BBS7: variants seen among roughly 807,000 people sequenced by gnomAD.
BBS7 encodes the protein BBSome complex member BBS7.
Under a neutral mutation model 90.3 loss-of-function variants are expected in BBS7, and 50 were observed. That is an observed-to-expected ratio of 0.55 (90% CI 0.44 to 0.70). The LOEUF is 0.70. BBS7 is among the 30% of genes least tolerant of loss of function. The pLI, the probability that BBS7 is intolerant of heterozygous loss-of-function variation, is 0.00. For synonymous variants in BBS7, 235 were observed against 287.4 expected (o/e 0.82, Z 1.85); for missense variants, 729 against 838.9 (o/e 0.87, Z 1.62).
In BBS7 at chr4:121,863,860, A is replaced by G. The variant is rs1727117114; in HGVS notation, c.103-581T>C. Among the ~76,000 whole-genome samples the G allele has an allele frequency of 1.3e-5, 2 of 152,198 alleles. 1 individual carries two copies. Among genetic ancestry groups the G allele is most frequent in the South Asian group, 4.1e-4 (2 of 4,832 alleles). ...ACATGTAGACAATGAATTGTTTTGA[A>G]ATAAATATAGAGGGACATTTTAACA... On this transcript the variant is annotated intron_variant, in intron 2 of 18. Transcript: ENST00000264499.
chr4:121,849,043 T>C (rs1726167132), intron 8 of BBS7, 115 bp from the exon 9 acceptor site: 1 of 765,116 alleles, frequency 1.3e-6, no homozygotes, highest in East Asian at 2.6e-5. Context: ...ATTTACTGAA[T>C]GTTTATGTGC....
intron 15 of BBS7, 75 bp from the exon 16 acceptor site, chr4:121,828,803 G>T: frequency 1.2e-6 from 1 of 862,582 alleles, no homozygotes; most frequent in Non-Finnish European, 1.8e-6. Context: ...TTTATGATTA[G>T]TACTTAGAGT....
At chr4:121,868,084 G>C (rs772494341) in intron 1 of BBS7, 38 bp from the exon 2 acceptor site, 3 of 1,523,002 alleles carry the variant, frequency 2.0e-6, no homozygotes, top group Non-Finnish European at 2.7e-6. Context: ...AATTTAATTT[G>C]AAGTTATTAC....
chr4:121,833,214 T>G lies in BBS7; in HGVS notation c.1676+17A>C. On this transcript the variant is annotated intron_variant, in intron 15 of 18. Coordinates refer to ENST00000264499, the MANE Select transcript of BBS7 (RefSeq NM_176824.3). ...ATATAAAACAACACTTGTGAACCAG[T>G]AATAAGTTAGATTTACCTGTAGGTA... 6.2e-7 allele frequency: 1 copy of G among 1,612,298 alleles called. No homozygotes were observed. Among genetic ancestry groups the G allele is most frequent in the Non-Finnish European group, 8.5e-7 (1 of 1,178,498 alleles).
In BBS7 at chr4:121,843,989, T is replaced by C. The variant is rs1299054607; in HGVS notation, c.1243A>G (p.Ile415Val). ...TTTTTATCCACATCAAGTAAATCTA[T>C]TGGAACATCACTCTATAGTCAATAT... is the stretch of plus-strand genomic sequence containing the variant. ...DNVLIQSDVP[I>V]DLLDVDKNSA... is the part of the protein sequence containing the mutation. Residue 415 changes from isoleucine (I) to valine (V), a missense_variant, in exon 12 of 19, where the codon ATA becomes GTA. Coordinates refer to ENST00000264499, the MANE Select transcript of BBS7 (RefSeq NM_176824.3). 3 of 1,594,782 alleles carry C rather than the reference T, an allele frequency of 1.9e-6. No individual in the cohort carries two copies. Among genetic ancestry groups the C allele is most frequent in the South Asian group, 2.2e-5 (2 of 89,226 alleles).
At chr4:121,864,459 T>C (rs905820292) in intron 2 of BBS7, among the ~76,000 whole-genome samples, 1 of 152,220 alleles carries the variant, frequency 6.6e-6, no homozygotes, top group Non-Finnish European at 1.5e-5. Context: ...GCAAAAAGTA[T>C]AACATAATGA....
intron 8 of BBS7, among the ~76,000 whole-genome samples, chr4:121,850,623 TTCTAA>T (rs1165914391): frequency 6.6e-6 from 1 of 152,210 alleles, no homozygotes; most frequent in Non-Finnish European, 1.5e-5. Flanking sequence ...CTCTGATATG[TTCTAA>T]TCTATTCTAT....
Position 121,853,042 on chromosome 4 carries a change from T to C in BBS7, c.763A>G (p.Lys255Glu). ...DSFDIVGDGV[K>E]DLLVGRDDGM... ...TCATCTCTCCCAACAAGTAAATCTTTAACCCCATCACCCACAATGTCAAAG... is the reference window on the plus strand; with the variant it reads ...TCATCTCTCCCAACAAGTAAATCTTCAACCCCATCACCCACAATGTCAAAG... Residue 255 changes from lysine (K) to glutamate (E), a missense_variant, in exon 8 of 19, where the codon AAA becomes GAA. Lys to Glu is a moderately conservative substitution (Grantham distance 56). Transcript: ENST00000264499. The C allele has an allele frequency of 6.2e-7, 1 of 1,613,790 alleles. No individual in the cohort carries two copies. Among genetic ancestry groups the C allele is most frequent in the Non-Finnish European group, 8.5e-7 (1 of 1,179,758 alleles).
rs1206099908 is a variant in BBS7 at position 121,828,729 on chromosome 4, C to T, written c.1677-1G>A. 6.6e-7 allele frequency: 1 copy of T among 1,507,342 alleles called. No homozygotes were observed. Among genetic ancestry groups the T allele is most frequent in the South Asian group, 1.2e-5 (1 of 83,670 alleles). 93.4% of individuals were successfully genotyped at this position (1,507,342 alleles called of 1,614,324 possible). ...AGATTTAAAAACTCCCTCTCCTTTT[C>T]TATAAAATTAATATATTTTTTAAAA... On this transcript the variant is annotated splice_acceptor_variant, in intron 15 of 18. Transcript: ENST00000264499. LOFTEE classifies it high-confidence loss of function.
intron 7 of BBS7, 127 bp from the exon 8 acceptor site, chr4:121,853,213 T>C (rs1726418908): frequency 1.2e-6 from 1 of 866,646 alleles, no homozygotes; most frequent in Admixed American, 2.2e-5. Context: ...TTGACCAAAA[T>C]CAAGTGCTCT....
intron 15 of BBS7, among the ~76,000 whole-genome samples, chr4:121,831,826 A>G (rs1725196785): frequency 6.6e-6 from 1 of 152,194 alleles, no homozygotes; most frequent in Admixed American, 6.5e-5. Context: ...TTATCCTAAA[A>G]TAACAAGAGA....
intron 5 of BBS7, among the ~76,000 whole-genome samples, chr4:121,857,175 G>A (rs569872412): frequency 1.3e-5 from 2 of 149,286 alleles, no homozygotes; most frequent in South Asian, 4.2e-4. Flanking sequence ...CTGGAGTGCA[G>A]TGCAGTGGTG....
At chr4:121,862,588 T>C (rs975838214) in intron 3 of BBS7, among the ~76,000 whole-genome samples, 8 of 152,214 alleles carry the variant, frequency 5.3e-5, no homozygotes, top group Admixed American at 5.2e-4. Flanking sequence ...GAAAAGGTTG[T>C]GGGTTAGTTG....
intron 12 of BBS7, among the ~76,000 whole-genome samples, chr4:121,843,574 G>A (rs1310941754): frequency 6.6e-6 from 1 of 152,108 alleles, no homozygotes; most frequent in Non-Finnish European, 1.5e-5. Flanking sequence ...TTAAGGAAAC[G>A]CTCATTGGAG....
chr4:121,867,947 G>A, intron 2 of BBS7, 34 bp downstream of exon 2: 1 of 1,543,806 alleles, frequency 6.5e-7, no homozygotes. Context: ...GTCACTGCTA[G>A]GGAATAGTGG....
intron 9 of BBS7, among the ~76,000 whole-genome samples, chr4:121,848,395 C>T (rs79743482): frequency 6.6e-6 from 1 of 152,158 alleles, no homozygotes; most frequent in African/African-American, 2.4e-5. Flanking sequence ...CAACATATCA[C>T]CTGCTGTATA....
rs1246947626 is a variant in BBS7 at position 121,861,579 on chromosome 4, TCA to T, written c.264_265del (p.Glu89AspfsTer2). The T allele has an allele frequency of 6.2e-7, 1 of 1,613,854 alleles. No homozygotes were observed. The highest frequency in any genetic ancestry group is 1.1e-5 in the South Asian group (1 of 91,074). ...TCCTCTTTTTGTGAAGCCTCTAATC[TCA>T]GATGCTGCAGCAATAAAAATTTTCT... On this transcript the variant is annotated frameshift_variant, in exon 4 of 19. Transcript: ENST00000264499. LOFTEE classifies it high-confidence loss of function.
intron 13 of BBS7, among the ~76,000 whole-genome samples, chr4:121,838,333 G>T (rs1578535540): frequency 7.7e-6 from 1 of 129,420 alleles, no homozygotes; most frequent in African/African-American, 2.8e-5. Flanking sequence ...AACCAGATGT[G>T]AAACAAATAT....
At chr4:121,847,359 A>G (rs1726064485) in intron 10 of BBS7, 45 bp downstream of exon 10, 1 of 1,278,044 alleles carries the variant, frequency 7.8e-7, no homozygotes, top group Non-Finnish European at 1.1e-6. Context: ...ACAACCACAC[A>G]CTTCATGAGA....
Sources: gnomAD v4.1 joint callset for allele counts (sites outside exome capture counted in the v4.1 genomes callset) on GRCh38, gnomAD v4.1.1 for gene constraint, MANE v1.5 for transcripts, NCBI Gene and HGNC (gene_info 2026-07-23, HGNC 2026-07-21) for gene names.